The following TJAP1 variants were observed in gnomAD, a reference collection of about 807,000 sequenced individuals.
The protein encoded by TJAP1 is tight junction-associated protein 1.
A neutral mutation model predicts 42.0 loss-of-function variants in TJAP1; 27 were observed. The observed-to-expected ratio is 0.64, with a 90% CI of 0.47 to 0.89. The LOEUF is 0.89. Ranked by LOEUF, TJAP1 falls within the 40% of genes least tolerant of loss-of-function variation. TJAP1 has a pLI of 0.00. For missense variants in TJAP1, 712 were observed against 726.9 expected (o/e 0.98, Z 0.24); for synonymous variants, 257 against 288.4 (o/e 0.89, Z 1.10).
In TJAP1 at chr6:43,502,070, A is replaced by ACTCTCTCT. The variant is rs1439125421; in HGVS notation, c.291-212_291-211insTCTCTCTC. ...GGGACACACACACACACACACACAC[A>ACTCTCTCT]CACACACTCTCTCTCTCTCTCTCTC... On this transcript the variant is annotated intron_variant, in intron 6 of 10. Transcript: ENST00000372449. Among the ~76,000 whole-genome samples, 98 of 123,940 alleles carry ACTCTCTCT rather than the reference A, an allele frequency of 7.9e-4. 6 individuals are homozygous for ACTCTCTCT. Among genetic ancestry groups the ACTCTCTCT allele is most frequent in the African/African-American group, 3.9e-3 (96 of 24,740 alleles). 81.3% of individuals were successfully genotyped at this position (123,940 alleles called of 152,430 possible).
intron 10 of TJAP1, chr6:43,504,248 G>A (rs532312547): frequency 1.4e-4 from 32 of 222,512 alleles, no homozygotes; most frequent in Admixed American, 2.6e-4. Context: ...CCAAGTAGCT[G>A]GAATTATAGG....
chr6:43,492,926 C>T lies in TJAP1; in HGVS notation c.-121-4955C>T, dbSNP rs71562707. Among the ~76,000 whole-genome samples the T allele has an allele frequency of 7.2e-4, 109 of 152,330 alleles. No homozygotes were observed. The highest frequency in any genetic ancestry group is 1.3e-3 in the Non-Finnish European group (88 of 68,030). On this transcript the variant is annotated intron_variant, in intron 2 of 10. Coordinates refer to ENST00000372449, the Ensembl canonical transcript of TJAP1. This position sits in a 1 kb window ranked among gnomAD's most constrained non-coding sequence, Gnocchi z 4.2. Reference sequence around the variant, plus strand: ...TCAGAGACTCCACATCCAGCACTTACAGCTCAGGACAGTTCCTGAGGGGGA... The same window carrying T: ...TCAGAGACTCCACATCCAGCACTTATAGCTCAGGACAGTTCCTGAGGGGGA...
rs1196536366 is a variant in TJAP1, at chr6:43,499,143, C to T, written c.99+43C>T. On this transcript the variant is annotated intron_variant, in intron 4 of 10. Transcript: ENST00000372449. ...CACAGCCTGACCGGCAGAGGCAAGG[C>T]CCCTGAGGCTGGGTGTCTGGCTGAC... is the stretch of plus-strand genomic sequence containing the variant. 6 of 1,608,180 alleles carry T rather than the reference C, an allele frequency of 3.7e-6. No individual in the cohort carries two copies. In the African/African-American group the frequency reaches 6.7e-5, roughly 18 times the overall value.
chr6:43,479,699 C>T (rs1018879389), intron 2 of TJAP1, among the ~76,000 whole-genome samples: 1 of 152,204 alleles, frequency 6.6e-6, no homozygotes, highest in East Asian at 1.9e-4. Flanking sequence ...TGGCAGGGTG[C>T]AGTGGCTCAC....
At chr6:43,501,775 C>A (rs569829005) in intron 6 of TJAP1, 88 bp downstream of exon 6, 2 of 686,870 alleles carry the variant, frequency 2.9e-6, no homozygotes, top group South Asian at 1.6e-5. Flanking sequence ...CTGTCTCTCT[C>A]TCTCTCTGTG....
intron 2 of TJAP1, among the ~76,000 whole-genome samples, chr6:43,485,696 T>G (rs1786302879): frequency 6.6e-6 from 1 of 152,134 alleles, no homozygotes; most frequent in African/African-American, 2.4e-5. Flanking sequence ...GGCAAGCTTT[T>G]TTACTGAAGG....
At chr6:43,502,988 C>G in intron 8 of TJAP1, 1 of 462,740 alleles carries the variant, frequency 2.2e-6, no homozygotes, top group Non-Finnish European at 3.9e-6. Flanking sequence ...ACAAGGTGCC[C>G]TGGCTGCCAC....
intron 6 of TJAP1, 123 bp downstream of exon 6, chr6:43,501,810 A>C: frequency 1.9e-6 from 1 of 515,180 alleles, no homozygotes; most frequent in Non-Finnish European, 3.6e-6. Context: ...CTTTCATAGG[A>C]GGTTAGCTGG....
intron 8 of TJAP1, 99 bp from the exon 9 acceptor site, chr6:43,503,302 G>A: frequency 2.3e-6 from 2 of 876,066 alleles, no homozygotes; most frequent in South Asian, 2.9e-5. Context: ...GGCTGCCCTA[G>A]CACCTGTGGC....
rs185728745 is a variant in TJAP1 at position 43,505,726 on chromosome 6, C to T, written c.1545C>T (p.Thr515=). ...AGGAGGGGCCAGGCACTTCCCACAC[C>T]GAGGGCAGGGCCTGGCCACTCCCCA... The change falls in exon 11 of 11, where the codon ACC becomes ACT. Residue 515 remains threonine (T), a synonymous_variant. Transcript: ENST00000372449. The surrounding 1 kb of genome is among the most constrained non-coding windows in gnomAD (Gnocchi z 5.5). The T allele has an allele frequency of 6.7e-4, 1,043 of 1,563,942 alleles. 9 individuals carry two copies. In the African/African-American group the frequency reaches 0.012, roughly 18 times the overall value.
At chr6:43,479,374 T>C (rs114999114) in intron 2 of TJAP1, among the ~76,000 whole-genome samples, 456 of 152,388 alleles carry the variant, frequency 3.0e-3, no homozygotes, top group African/African-American at 0.01. Context: ...ACTGATGATA[T>C]GTAGCTGTGA....
chr6:43,487,623 T>C (rs1404112883), intron 2 of TJAP1, among the ~76,000 whole-genome samples: 1 of 152,072 alleles, frequency 6.6e-6, no homozygotes, highest in East Asian at 1.9e-4. Context: ...AAAGGAAATA[T>C]CATGGAAGGG....
Position 43,505,344 on chromosome 6 carries a change from ACCAGC to A in TJAP1, c.1174_1178del (p.Pro392ThrfsTer9). 2 of 1,607,284 alleles carry A rather than the reference ACCAGC, an allele frequency of 1.2e-6. No individual in the cohort carries two copies. Among genetic ancestry groups the A allele is most frequent in the Non-Finnish European group, 8.5e-7 (1 of 1,179,060 alleles). On this transcript the variant is annotated frameshift_variant, in exon 11 of 11. Transcript: ENST00000372449. LOFTEE classifies it low-confidence loss of function (END_TRUNC). This position sits in a 1 kb window ranked among gnomAD's most constrained non-coding sequence, Gnocchi z 5.5. ...GCCTCAGCCCAGGCCTCACCCCACC[ACCAGC>A]CCAGCCCAGCACCCCTAACACTCAG... is the stretch of plus-strand genomic sequence containing the variant.
intron 2 of TJAP1, among the ~76,000 whole-genome samples, chr6:43,481,485 C>A (rs1324146196): frequency 7.1e-6 from 1 of 141,842 alleles, no homozygotes; most frequent in African/African-American, 2.6e-5. Flanking sequence ...AGACATCACC[C>A]CCCCCCCAAA....
At chr6:43,497,051 C>T (rs890983653) in intron 2 of TJAP1, 4 of 152,312 alleles carry the variant, frequency 2.6e-5, no homozygotes, top group African/African-American at 9.7e-5. Flanking sequence ...CCAACTCCCC[C>T]GACTGGGGTT....
In TJAP1 at chr6:43,495,108, CTTTGGGTGA is replaced by C. The variant is rs1788809786; in HGVS notation, c.-121-2772_-121-2764del. 6.6e-6 allele frequency among the ~76,000 whole-genome samples: 1 copy of C among 152,236 alleles called. No homozygotes were observed. The highest frequency in any genetic ancestry group is 2.4e-5 in the African/African-American group (1 of 41,462). On this transcript the variant is annotated intron_variant, in intron 2 of 10. Transcript: ENST00000372449. The surrounding 1 kb of genome is among the most constrained non-coding windows in gnomAD (Gnocchi z 4.6). ...AACACTCCAAGGCAACTTGGGAAACCTTTGGGTGAAGGAGATGTGGCCAGGGGAGGCTGC... is the reference window on the plus strand; with the variant it reads ...AACACTCCAAGGCAACTTGGGAAACCAGGAGATGTGGCCAGGGGAGGCTGC...
At chr6:43,498,997 C>A (rs547667228) in exon 4 of TJAP1, 11 of 1,613,696 alleles carry the variant, frequency 6.8e-6, no homozygotes, top group Middle Eastern at 3.3e-4. Flanking sequence ...CCGTCACCTC[C>A]CAGAATGACT....
intron 2 of TJAP1, among the ~76,000 whole-genome samples, chr6:43,485,829 C>T (rs79520779): frequency 0.018 from 2,801 of 152,334 alleles, 34 homozygotes; most frequent in South Asian, 0.039. Context: ...TTTGCACCCT[C>T]AGGAAGGAAG....
chr6:43,485,384 G>C (rs1460371120), intron 2 of TJAP1, among the ~76,000 whole-genome samples: 1 of 152,112 alleles, frequency 6.6e-6, no homozygotes, highest in Non-Finnish European at 1.5e-5. Context: ...TTGCTTTTTT[G>C]TTTCTAGTGT....
Sources: gnomAD v4.1 joint callset for allele counts (sites outside exome capture counted in the v4.1 genomes callset) on GRCh38, gnomAD v4.1.1 for gene constraint, Gnocchi (gnomAD v3.1) non-coding constraint, MANE v1.5 for transcripts, NCBI Gene and HGNC (gene_info 2026-07-23, HGNC 2026-07-21) for gene names.